The following AGBL1 variants were observed in gnomAD, a reference collection of about 807,000 sequenced individuals.
The protein encoded by AGBL1 is cytosolic carboxypeptidase 4.
A neutral mutation model predicts 118.9 loss-of-function variants in AGBL1; 130 were observed. The ratio of observed to expected loss-of-function variants is 1.09; its 90% confidence interval spans 0.95 to 1.26. The LOEUF is 1.26. AGBL1 is among the 50% of genes most tolerant of loss of function. The probability of loss-of-function intolerance (pLI) is 0.00; values close to 1 mark genes in which losing one functional copy is unlikely to be tolerated. For missense variants in AGBL1, 1,584 were observed against 1,298.1 expected (o/e 1.22, Z -3.38); for synonymous variants, 555 against 478.9 (o/e 1.16, Z -2.08).
intron 5 of AGBL1, among the ~76,000 whole-genome samples, chr15:86,190,179 A>C (rs1829030469): frequency 6.6e-6 from 1 of 152,210 alleles, no homozygotes; most frequent in South Asian, 2.1e-4. Context: ...TTAAAAATAC[A>C]TATTAATATA....
At chr15:86,576,152 A>G (rs930817705) in intron 21 of AGBL1, among the ~76,000 whole-genome samples, 1 of 152,198 alleles carries the variant, frequency 6.6e-6, no homozygotes. Flanking sequence ...TGGGTAAATT[A>G]TTTATGCTTT....
chr15:86,370,012 A>C (rs1045923144), intron 17 of AGBL1, among the ~76,000 whole-genome samples: 4 of 152,364 alleles, frequency 2.6e-5, no homozygotes, highest in African/African-American at 9.6e-5. Context: ...TTAAAAAATC[A>C]ATCACCGGTT....
chr15:86,113,066 C>A (rs1897494930), intron 1 of AGBL1, among the ~76,000 whole-genome samples: 1 of 152,116 alleles, frequency 6.6e-6, no homozygotes, highest in Non-Finnish European at 1.5e-5. Context: ...AATGGTTTCT[C>A]TGTTAGTAAA....
At chr15:86,366,553 C>T (rs1377723383) in intron 17 of AGBL1, among the ~76,000 whole-genome samples, 6 of 152,188 alleles carry the variant, frequency 3.9e-5, no homozygotes, top group Admixed American at 3.3e-4. Context: ...TACTCTGCTG[C>T]CTCCACATTA....
Position 86,845,985 on chromosome 15 carries a change from G to A in AGBL1, c.3159-61102G>A, listed in dbSNP as rs562467902. On this transcript the variant is annotated intron_variant, in intron 22 of 22. Transcript: ENST00000614907. ...CCCTCTTGAAAGAAAGAGCACCTTCGACACATGCCTGAGACTGTCTCCTTC... is the reference window on the plus strand; with the variant it reads ...CCCTCTTGAAAGAAAGAGCACCTTCAACACATGCCTGAGACTGTCTCCTTC... 3.9e-5 allele frequency among the ~76,000 whole-genome samples: 6 copies of A among 152,224 alleles called. No individual in the cohort carries two copies. In the South Asian group the frequency reaches 8.3e-4, roughly 21 times the overall value.
intron 21 of AGBL1, among the ~76,000 whole-genome samples, chr15:86,661,586 C>T (rs1285186704): frequency 1.3e-5 from 2 of 151,870 alleles, no homozygotes; most frequent in African/African-American, 4.8e-5. Context: ...GCCAAGGACA[C>T]CTCTTAAAAA....
chr15:86,238,503 C>T (rs2078590266), intron 6 of AGBL1, among the ~76,000 whole-genome samples: 1 of 152,202 alleles, frequency 6.6e-6, no homozygotes, highest in Admixed American at 6.5e-5. Flanking sequence ...TCCCAAGAGT[C>T]TACCATGTTA....
intron 10 of AGBL1, among the ~76,000 whole-genome samples, chr15:86,263,478 A>G (rs1272113038): frequency 6.6e-6 from 1 of 152,244 alleles, no homozygotes; most frequent in Non-Finnish European, 1.5e-5. Context: ...TGTAGCATGA[A>G]GGTACACATC....
intron 23 of AGBL1, among the ~76,000 whole-genome samples, chr15:86,923,771 C>T (rs1432691535): frequency 2.6e-5 from 4 of 152,158 alleles, no homozygotes; most frequent in African/African-American, 9.7e-5. Flanking sequence ...CCCTATAAAA[C>T]TTCATGTTAA....
intron 22 of AGBL1, among the ~76,000 whole-genome samples, chr15:86,815,918 G>T (rs887178031): frequency 6.6e-6 from 1 of 152,128 alleles, no homozygotes; most frequent in Non-Finnish European, 1.5e-5. Flanking sequence ...GGAAGGAAAC[G>T]GTGGGGAAGC....
At chr15:86,605,961 T>C (rs1478343687) in intron 21 of AGBL1, among the ~76,000 whole-genome samples, 1 of 151,816 alleles carries the variant, frequency 6.6e-6, no homozygotes, top group Non-Finnish European at 1.5e-5. Flanking sequence ...ACCCTGTCTC[T>C]ACTAAAAATA....
intron 22 of AGBL1, among the ~76,000 whole-genome samples, chr15:86,832,036 A>G (rs1033642640): frequency 6.6e-6 from 1 of 152,172 alleles, no homozygotes; most frequent in African/African-American, 2.4e-5. Context: ...TGGGGCTTGC[A>G]CCCTCTGAAG....
chr15:86,974,423 TTATATATTA>T (rs2081147855), intron 23 of AGBL1, among the ~76,000 whole-genome samples: 1 of 115,708 alleles, frequency 8.6e-6, no homozygotes, highest in Non-Finnish European at 1.8e-5. Flanking sequence ...TAAACATATT[TTATATATTA>T]AATATAAACA....
intron 7 of AGBL1, among the ~76,000 whole-genome samples, chr15:86,250,509 G>A: frequency 1.1e-5 from 1 of 93,688 alleles, no homozygotes; most frequent in Non-Finnish European, 1.9e-5. Flanking sequence ...CTGGGCAACA[G>A]AGTAAGACTC....
intron 1 of AGBL1, among the ~76,000 whole-genome samples, chr15:86,112,409 T>C (rs575201773): frequency 6.6e-6 from 1 of 152,344 alleles, no homozygotes; most frequent in Admixed American, 6.5e-5. Context: ...CACTATAACA[T>C]GAATATCTTC....
chr15:86,857,143 AT>A (rs1158191430), intron 22 of AGBL1, among the ~76,000 whole-genome samples: 2 of 152,128 alleles, frequency 1.3e-5, no homozygotes, highest in Non-Finnish European at 2.9e-5. Context: ...CGGTTTATCC[AT>A]CCCCCAGCCA....
chr15:86,438,028 C>A (rs902165251), intron 18 of AGBL1, among the ~76,000 whole-genome samples: 1 of 152,148 alleles, frequency 6.6e-6, no homozygotes, highest in East Asian at 1.9e-4. Context: ...GCCTCAGCCT[C>A]CAGAGTAGCT....
chr15:86,508,683 T>G (rs949448910), intron 18 of AGBL1, among the ~76,000 whole-genome samples: 11 of 152,142 alleles, frequency 7.2e-5, no homozygotes, highest in Admixed American at 5.2e-4. Context: ...TCTAAGATTA[T>G]ATATTACAAG....
At chr15:86,779,908 G>C (rs920104699) in intron 22 of AGBL1, among the ~76,000 whole-genome samples, 30 of 128,136 alleles carry the variant, frequency 2.3e-4, no homozygotes, top group Admixed American at 1.2e-3. Context: ...AGTATGTGTT[G>C]GACACCCCCC....
Sources: allele counts gnomAD v4.1 joint callset (sites outside exome capture counted in the v4.1 genomes callset), GRCh38; gene constraint gnomAD v4.1.1; transcripts MANE v1.5; gene names NCBI Gene and HGNC (gene_info 2026-07-23, HGNC 2026-07-21).